ERBB4: variants seen among roughly 807,000 people sequenced by gnomAD.
The protein encoded by ERBB4 is receptor tyrosine-protein kinase erbB-4.
In ERBB4, 42 loss-of-function variants were observed where a neutral mutation model predicts 158.0. That is an observed-to-expected ratio of 0.27 (90% CI 0.21 to 0.34). The LOEUF is 0.34. Ranked by LOEUF, ERBB4 falls within the 10% of genes least tolerant of loss-of-function variation. ERBB4 has a pLI of 1.00. For synonymous variants in ERBB4, 583 were observed against 558.7 expected, an observed-to-expected ratio of 1.04 and a Z score of -0.61; for missense variants, 1,333 against 1,624.1, an observed-to-expected ratio of 0.82 and a Z score of 3.08.
At chr2:211,786,763 C>A (rs1322801826) in intron 4 of ERBB4, among the ~76,000 whole-genome samples, 1 of 152,118 alleles carries the variant, frequency 6.6e-6, no homozygotes, top group Non-Finnish European at 1.5e-5. Flanking sequence ...AACCAATATC[C>A]ACACCTCCCC....
chr2:211,772,951 A>ATG (rs1454332286), intron 4 of ERBB4, among the ~76,000 whole-genome samples: 1 of 71,830 alleles, frequency 1.4e-5, no homozygotes, highest in Non-Finnish European at 2.6e-5. Context: ...ATATATATAT[A>ATG]TATATTTTTT....
At chr2:212,528,786 G>C (rs1281105423) in intron 1 of ERBB4, among the ~76,000 whole-genome samples, 1 of 152,098 alleles carries the variant, frequency 6.6e-6, no homozygotes, top group Non-Finnish European at 1.5e-5. Context: ...TCAGAACGTA[G>C]AGTGAATCAT....
intron 1 of ERBB4, among the ~76,000 whole-genome samples, chr2:212,330,210 C>A (rs552491424): frequency 8.7e-6 from 1 of 115,552 alleles, no homozygotes; most frequent in Non-Finnish European, 1.8e-5. Flanking sequence ...AGGGGTTGTG[C>A]TGTATCTGTG....
At chr2:211,562,121 A>G (rs2067412471) in intron 19 of ERBB4, 33 bp from the exon 20 acceptor site, 1 of 1,593,616 alleles carries the variant, frequency 6.3e-7, no homozygotes, top group African/African-American at 1.3e-5. Context: ...CATGATTTCA[A>G]CTCAAATTTT....
chr2:212,169,499 C>T (rs904031129), intron 1 of ERBB4, among the ~76,000 whole-genome samples: 5 of 152,124 alleles, frequency 3.3e-5, no homozygotes, highest in South Asian at 2.1e-4. Context: ...ACACCATATA[C>T]AAAAATCAAC....
At chr2:212,094,539 T>C (rs890135300) in intron 2 of ERBB4, among the ~76,000 whole-genome samples, 4 of 151,242 alleles carry the variant, frequency 2.6e-5, no homozygotes, top group Admixed American at 6.6e-5. Context: ...TATTGTGGCA[T>C]GGCTACAGTT....
At chr2:211,950,090 GC>G (rs2080833514) in intron 2 of ERBB4, among the ~76,000 whole-genome samples, 2 of 152,018 alleles carry the variant, frequency 1.3e-5, no homozygotes, top group Admixed American at 6.6e-5. Context: ...GAAGAAAAAG[GC>G]CCATTTAGAT....
At chr2:212,069,562 T>A (rs1267308518) in intron 2 of ERBB4, among the ~76,000 whole-genome samples, 2 of 152,066 alleles carry the variant, frequency 1.3e-5, no homozygotes, top group Non-Finnish European at 2.9e-5. Flanking sequence ...AGGTTCTAAT[T>A]AGAGCCATTA....
rs1197008889 is a variant in ERBB4 at position 211,944,202 on chromosome 2, A to G, written c.421+3228T>C. On this transcript the variant is annotated intron_variant, in intron 3 of 27. Transcript: ENST00000342788. ...CTATATATATATATATATATATACT[A>G]TATATATATATACACACACACACAA... is the stretch of plus-strand genomic sequence containing the variant. 9.6e-5 allele frequency among the ~76,000 whole-genome samples: 3 copies of G among 31,244 alleles called. No homozygotes were observed. The South Asian group carries it at 2.2e-3, about 23-fold the overall frequency. The allele number at this position is 31,244 out of a possible 152,430, so 20.5% of individuals were successfully genotyped here. A position where few individuals can be genotyped will look rare whatever the true frequency, so the allele number is the denominator to read the frequency against.
chr2:211,871,096 A>G (rs1411043258), intron 3 of ERBB4, among the ~76,000 whole-genome samples: 1 of 152,202 alleles, frequency 6.6e-6, no homozygotes, highest in Non-Finnish European at 1.5e-5. Flanking sequence ...CAAGAAGTAA[A>G]TATCTTCCAT....
chr2:211,525,045 A>G (rs2066308364), intron 20 of ERBB4, among the ~76,000 whole-genome samples: 1 of 152,296 alleles, frequency 6.6e-6, no homozygotes, highest in African/African-American at 2.4e-5. Flanking sequence ...AGTGGCCAGA[A>G]GTTGCATTCC....
intron 22 of ERBB4, among the ~76,000 whole-genome samples, chr2:211,425,474 T>C (rs866277842): frequency 2.0e-4 from 30 of 152,200 alleles, no homozygotes; most frequent in African/African-American, 7.2e-4. Flanking sequence ...ATGTACCTAG[T>C]GACAATTTAA....
rs369577614 is a variant in ERBB4 at position 212,270,836 on chromosome 2, TAGAG to T, written c.83-145937_83-145934del. On this transcript the variant is annotated intron_variant, in intron 1 of 27. Transcript: ENST00000342788. ...AGCTATTGGGAGAGGAGGAGAGAAATAGAGAGAGAGAGAGACCTGACTATTTCCC... is the reference window on the plus strand; with the variant it reads ...AGCTATTGGGAGAGGAGGAGAGAAATAGAGAGAGAGACCTGACTATTTCCC... 3.7e-4 allele frequency among the ~76,000 whole-genome samples: 55 copies of T among 149,928 alleles called. No homozygotes were observed. The South Asian group carries it at 4.8e-3, about 13-fold the overall frequency.
At chr2:211,844,970 G>A (rs1048865109) in intron 3 of ERBB4, among the ~76,000 whole-genome samples, 7 of 152,052 alleles carry the variant, frequency 4.6e-5, no homozygotes, top group Non-Finnish European at 8.8e-5. Context: ...GAGAAAGAAG[G>A]GGTGGCATTC....
chr2:211,984,212 T>C (rs1031737261), intron 2 of ERBB4, among the ~76,000 whole-genome samples: 3 of 152,094 alleles, frequency 2.0e-5, no homozygotes, highest in African/African-American at 4.8e-5. Flanking sequence ...ATATGTCTTT[T>C]ATAGGAGCAC....
At position 211,953,725 on chromosome 2, in the gene ERBB4, C is replaced by G. The variant is rs557686724; in HGVS notation, c.235-6109G>C. Among the ~76,000 whole-genome samples, 85 of 152,088 alleles carry G rather than the reference C, an allele frequency of 5.6e-4. 1 individual carries two copies. Among genetic ancestry groups the G allele is most frequent in the African/African-American group, 1.9e-3 (80 of 41,540 alleles). ...TAAATACAATCGGATATTATTAAAG[C>G]CTTGAATGCTTCAAAACTCTTCTAG... On this transcript the variant is annotated intron_variant, in intron 2 of 27. Transcript: ENST00000342788.
chr2:211,419,820 A>C (rs79130066), intron 25 of ERBB4, among the ~76,000 whole-genome samples: 2,102 of 152,198 alleles, frequency 0.014, 49 homozygotes, highest in African/African-American at 0.048. Flanking sequence ...TCAAAGAAAG[A>C]ATGGAATTCA....
chr2:211,779,022 A>C (rs923190026), intron 4 of ERBB4: 1 of 152,184 alleles, frequency 6.6e-6, no homozygotes, highest in Non-Finnish European at 1.5e-5. Flanking sequence ...ATTATTCTGG[A>C]AAAAAGGAAT....
At chr2:212,384,399 CCTT>C (rs551502882) in intron 1 of ERBB4, among the ~76,000 whole-genome samples, 8 of 151,518 alleles carry the variant, frequency 5.3e-5, no homozygotes, top group African/African-American at 1.7e-4. Flanking sequence ...TTTTCTCTCT[CCTT>C]CTTGTGACGG....
Sources: gnomAD v4.1 joint callset for allele counts (sites outside exome capture counted in the v4.1 genomes callset) on GRCh38, gnomAD v4.1.1 for gene constraint, MANE v1.5 for transcripts, NCBI Gene and HGNC (gene_info 2026-07-23, HGNC 2026-07-21) for gene names.